Variants in RIOK2 observed in about 807,000 individuals in gnomAD.
RIOK2 encodes the protein RIO kinase 2.
Under a neutral mutation model 62.4 loss-of-function variants are expected in RIOK2, and 46 were observed. The observed-to-expected ratio is 0.74, with a 90% CI of 0.58 to 0.94. The LOEUF (loss-of-function observed/expected upper bound fraction) is 0.94, where lower values mean the gene tolerates loss of function less well. Among genes scored for constraint, RIOK2 ranks in the 40% least tolerant of loss-of-function variants. RIOK2 has a pLI of 0.00. For missense variants in RIOK2, 574 were observed against 658.0 expected, an observed-to-expected ratio of 0.87 and a Z score of 1.40; for synonymous variants, 197 against 216.0, an observed-to-expected ratio of 0.91 and a Z score of 0.77.
chr5:97,182,826 G>A (rs1171346582), intron 1 of RIOK2: 2 of 344,526 alleles, frequency 5.8e-6, no homozygotes, highest in Non-Finnish European at 1.1e-5. Flanking sequence ...GGAAGCTCAG[G>A]ATCAGAGAAG....
intron 1 of RIOK2, among the ~76,000 whole-genome samples, chr5:97,180,142 G>GTATGTA (rs1350504483): frequency 2.0e-4 from 19 of 96,064 alleles, no homozygotes; most frequent in African/African-American, 2.9e-4. Context: ...ATATATATAT[G>GTATGTA]TATATATATA....
chr5:97,171,622 T>C (rs1749011521), intron 5 of RIOK2, among the ~76,000 whole-genome samples: 1 of 152,226 alleles, frequency 6.6e-6, no homozygotes, highest in Non-Finnish European at 1.5e-5. Flanking sequence ...CTTTGATCTT[T>C]ACAGCCAAAC....
intron 9 of RIOK2, among the ~76,000 whole-genome samples, chr5:97,163,482 GA>G (rs942246462): frequency 6.6e-6 from 1 of 152,144 alleles, no homozygotes; most frequent in Non-Finnish European, 1.5e-5. Flanking sequence ...AAAACTGATG[GA>G]AAAAACAAGA....
chr5:97,172,241 C>T (rs1749029942), intron 5 of RIOK2, among the ~76,000 whole-genome samples: 1 of 152,182 alleles, frequency 6.6e-6, no homozygotes, highest in Non-Finnish European at 1.5e-5. Flanking sequence ...CTCTAACTCC[C>T]AGGCATCTCA....
intron 9 of RIOK2, among the ~76,000 whole-genome samples, chr5:97,163,930 T>C: frequency 6.6e-6 from 1 of 152,044 alleles, no homozygotes; most frequent in East Asian, 1.9e-4. Flanking sequence ...TCTTGCTGTG[T>C]TGCCCAGGTT....
chr5:97,183,098 G>T lies in RIOK2; in HGVS notation c.66+28C>A, dbSNP rs760783980. The T allele has an allele frequency of 3.1e-6, 5 of 1,612,482 alleles. No individual in the cohort carries two copies. In the East Asian group the frequency reaches 1.1e-4, roughly 36 times the overall value. ...AGAGGTCACACAGTGTTAAGGGGAA[G>T]GGAGAACAGGAACGGCGGGTTTCTT... is the stretch of plus-strand genomic sequence containing the variant. On this transcript the variant is annotated intron_variant, in intron 1 of 9. Coordinates refer to ENST00000283109, the MANE Select transcript of RIOK2 (RefSeq NM_018343.3).
intron 2 of RIOK2, among the ~76,000 whole-genome samples, chr5:97,178,254 T>C (rs1039457344): frequency 1.3e-5 from 2 of 152,258 alleles, no homozygotes; most frequent in African/African-American, 4.8e-5. Context: ...TCAGAAGTAA[T>C]GATCTAGGGT....
In RIOK2 at chr5:97,162,068, CTG is replaced by C. The variant is rs1748714939; in HGVS notation, c.*991_*992del. The C allele has an allele frequency of 1.3e-5, 2 of 151,898 alleles. No individual in the cohort carries two copies. Among genetic ancestry groups the C allele is most frequent in the African/African-American group, 2.4e-5 (1 of 41,236 alleles). 9.4% of individuals were successfully genotyped at this position (151,898 alleles called of 1,614,324 possible). ...CTGTCTTTATCAATCTTGGAAAAGTCTGTACTATATTCCCTCTGGTAGAACAT... is the reference window on the plus strand; with the variant it reads ...CTGTCTTTATCAATCTTGGAAAAGTCTACTATATTCCCTCTGGTAGAACAT... On this transcript the variant is annotated 3_prime_UTR_variant, in exon 10 of 10. Coordinates refer to ENST00000283109, the MANE Select transcript of RIOK2 (RefSeq NM_018343.3).
Position 97,163,172 on chromosome 5 carries a change from A to G in RIOK2, c.1548T>C (p.Ala516=). The change falls in exon 10 of 10, where the codon GCT becomes GCC. Residue 516 remains alanine (A), a synonymous_variant. Transcript: ENST00000283109. ...KRQLTKQQKS[A]VRRRLQKGEA... ...CTCCTTTCTGCAATCGACGTCTGAC[A>G]GCTGATTTTTGCTGTTTTGTCAACT... is the stretch of plus-strand genomic sequence containing the variant. The G allele has an allele frequency of 6.2e-7, 1 of 1,613,758 alleles. No homozygotes were observed. The highest frequency in any genetic ancestry group is 8.5e-7 in the Non-Finnish European group (1 of 1,179,880).
intron 1 of RIOK2, among the ~76,000 whole-genome samples, chr5:97,179,550 G>T (rs546946033): frequency 6.6e-6 from 1 of 151,652 alleles, no homozygotes; most frequent in Non-Finnish European, 1.5e-5. Flanking sequence ...TGTAGGCATC[G>T]TAGAGGATAT....
At position 97,161,753 on chromosome 5, in the gene RIOK2, T is replaced by C. The variant is rs1748706296; in HGVS notation, c.*1308A>G. The stretch of plus-strand genomic sequence containing the variant: ...CCCAATTTGCTTTCATAGCTCTGAA[T>C]ATAAGAAAATGACTCCAAAATAAAC... On this transcript the variant is annotated 3_prime_UTR_variant, in exon 10 of 10. Coordinates refer to ENST00000283109, the MANE Select transcript of RIOK2 (RefSeq NM_018343.3). 1.3e-5 allele frequency: 2 copies of C among 152,192 alleles called. No homozygotes were observed. The highest frequency in any genetic ancestry group is 4.8e-5 in the African/African-American group (2 of 41,446). The allele number at this position is 152,192 out of a possible 1,614,324, so 9.4% of individuals were successfully genotyped here. A position where few individuals can be genotyped will look rare whatever the true frequency, so the allele number is the denominator to read the frequency against.
rs1580275854 is a variant in RIOK2 at position 97,177,002 on chromosome 5, T to C, written c.498+114A>G. ...TAAGATTGAGTCTGTCTGTAGGAAT[T>C]GAGTCTAAGGTTAGAGAGATGTGGG... On this transcript the variant is annotated intron_variant, in intron 4 of 9. Coordinates refer to ENST00000283109, the MANE Select transcript of RIOK2 (RefSeq NM_018343.3). 7.0e-6 allele frequency: 6 copies of C among 857,480 alleles called. No individual in the cohort carries two copies. The East Asian group carries it at 1.5e-4, about 21-fold the overall frequency. The allele number at this position is 857,480 out of a possible 1,614,324, so 53.1% of individuals were successfully genotyped here. A position where few individuals can be genotyped will look rare whatever the true frequency, so the allele number is the denominator to read the frequency against.
chr5:97,168,879 A>G, intron 6 of RIOK2, 27 bp from the exon 7 acceptor site: 1 of 1,374,752 alleles, frequency 7.3e-7, no homozygotes, highest in Non-Finnish European at 1.0e-6. Flanking sequence ...CATTTATGAT[A>G]TAGTCTTTAT....
chr5:97,173,275 C>CA lies in RIOK2; in HGVS notation c.499-13dup. 6.3e-7 allele frequency: 1 copy of CA among 1,586,514 alleles called. No individual in the cohort carries two copies. The highest frequency in any genetic ancestry group is 1.3e-5 in the African/African-American group (1 of 74,324). The stretch of plus-strand genomic sequence containing the variant: ...CTCTCATACAATGCCTAAAATGTTG[C>CA]AAAACAGGTGTAAGCTAATGAACAG... On this transcript the variant is annotated splice_polypyrimidine_tract_variant and intron_variant, in intron 4 of 9. Coordinates refer to ENST00000283109, the MANE Select transcript of RIOK2 (RefSeq NM_018343.3).
chr5:97,171,671 C>T (rs1293448592), intron 5 of RIOK2, among the ~76,000 whole-genome samples: 1 of 152,204 alleles, frequency 6.6e-6, no homozygotes, highest in African/African-American at 2.4e-5. Context: ...TCCTCCTACT[C>T]TCTCATACCA....
At chr5:97,180,015 TA>T (rs371368199) in intron 1 of RIOK2, among the ~76,000 whole-genome samples, 5 of 60,746 alleles carry the variant, frequency 8.2e-5, no homozygotes, top group African/African-American at 2.6e-4. Flanking sequence ...TATATATATA[TA>T]ATATATATAT....
At chr5:97,176,804 T>C (rs111899193) in intron 4 of RIOK2, among the ~76,000 whole-genome samples, 136 of 152,334 alleles carry the variant, frequency 8.9e-4, no homozygotes, top group African/African-American at 2.9e-3. Flanking sequence ...TGAATAGATA[T>C]ATATACATCC....
chr5:97,179,965 A>ATATATATATATATTATATAT (rs1749293698), intron 1 of RIOK2, among the ~76,000 whole-genome samples: 1 of 40,542 alleles, frequency 2.5e-5, no homozygotes, highest in Admixed American at 3.3e-4. Context: ...AAAGTATTTT[A>ATATATATATATATTATATAT]TATATATATA....
chr5:97,174,936 T>TG (rs905418151), intron 4 of RIOK2, among the ~76,000 whole-genome samples: 19 of 152,016 alleles, frequency 1.2e-4, no homozygotes, highest in African/African-American at 4.1e-4. Context: ...CACATGCCTG[T>TG]GATCCTAGAT....
Sources: gnomAD v4.1 joint callset for allele counts (sites outside exome capture counted in the v4.1 genomes callset) on GRCh38, gnomAD v4.1.1 for gene constraint, MANE v1.5 for transcripts, NCBI Gene and HGNC (gene_info 2026-07-23, HGNC 2026-07-21) for gene names.